Variants in DDX56 observed in about 807,000 individuals in gnomAD.
The protein encoded by DDX56 is probable ATP-dependent RNA helicase DDX56.
A neutral mutation model predicts 61.5 loss-of-function variants in DDX56; 45 were observed. That is an observed-to-expected ratio of 0.73 (90% confidence interval 0.58 to 0.94). The LOEUF (loss-of-function observed/expected upper bound fraction) is 0.94, where lower values mean the gene tolerates loss of function less well. DDX56 is among the 40% of genes least tolerant of loss of function. DDX56 has a pLI of 0.00. For synonymous variants in DDX56, 273 were observed against 268.3 expected, an observed-to-expected ratio of 1.02 and a Z score of -0.17; for missense variants, 708 against 690.7, an observed-to-expected ratio of 1.02 and a Z score of -0.28.
At chr7:44,572,832 C>T in intron 3 of DDX56, 58 bp downstream of exon 3, 1 of 1,598,892 alleles carries the variant, frequency 6.3e-7, no homozygotes, top group Non-Finnish European at 8.5e-7. Context: ...CACACACAAA[C>T]CCAACCCCAC....
chr7:44,566,062 G>C lies in DDX56; in HGVS notation c.1584C>G (p.Asn528Lys). ...CRKAKRAKSQ[N>K]PLRSFKHKGK... Reference sequence around the variant, plus strand: ...CTTTGTGCTTGAAGCTGCGCAGTGGGTTCTGGGACTTTGCTCTCTAAGGAG... The same window carrying C: ...CTTTGTGCTTGAAGCTGCGCAGTGGCTTCTGGGACTTTGCTCTCTAAGGAG... Residue 528 changes from asparagine (N) to lysine (K), a missense_variant, in exon 14 of 14, where the codon AAC becomes AAG. Physicochemically the swap from Asn to Lys is moderately conservative, Grantham distance 94. Transcript: ENST00000258772. 6.2e-7 allele frequency: 1 copy of C among 1,612,154 alleles called. No individual in the cohort carries two copies. Among genetic ancestry groups the C allele is most frequent in the Non-Finnish European group, 8.5e-7 (1 of 1,179,706 alleles).
In DDX56 at chr7:44,571,862, C is replaced by A. The variant is rs138175613; in HGVS notation, c.646-126G>T. The A allele has an allele frequency of 3.1e-4, 380 of 1,243,972 alleles. No homozygotes were observed. The East Asian group carries it at 9.0e-3, about 30-fold the overall frequency. The allele number at this position is 1,243,972 out of a possible 1,614,324, so 77.1% of individuals were successfully genotyped here. On this transcript the variant is annotated intron_variant, in intron 5 of 13. Coordinates refer to ENST00000258772, the MANE Select transcript of DDX56 (RefSeq NM_019082.4). Reference sequence around the variant, plus strand: ...AGATGCATTTAAGGATTCCTGGCACCCTAACTCTCCTCCAGTTTTGTAACC... The same window carrying A: ...AGATGCATTTAAGGATTCCTGGCACACTAACTCTCCTCCAGTTTTGTAACC...
In DDX56 at chr7:44,572,980, G is replaced by A. The variant is rs770487269; in HGVS notation, c.293C>T (p.Ala98Val). The change falls in exon 3 of 14, where the codon GCA becomes GTA. Residue 98 changes from alanine to valine, a missense_variant. Transcript: ENST00000258772. ...LVPTKELARQ[A>V]QSMIQQLATY... is the part of the protein sequence containing the mutation. ...AGCCAGCTGCTGAATCATGGACTGT[G>A]CTTGCCGTGCCAGCTCCTTGGTAGG... 1 of 1,613,296 alleles carries A rather than the reference G, an allele frequency of 6.2e-7. No homozygotes were observed. The highest frequency in any genetic ancestry group is 1.1e-5 in the South Asian group (1 of 90,998).
Position 44,565,908 on chromosome 7 carries a change from C to A in DDX56, c.*94G>T. 1.0e-6 allele frequency: 1 copy of A among 981,902 alleles called. No homozygotes were observed. The highest frequency in any genetic ancestry group is 1.4e-5 in the South Asian group (1 of 73,470). The allele number at this position is 981,902 out of a possible 1,614,324, so 60.8% of individuals were successfully genotyped here. A position where few individuals can be genotyped will look rare whatever the true frequency, so the allele number is the denominator to read the frequency against. On this transcript the variant is annotated 3_prime_UTR_variant, in exon 14 of 14. Transcript: ENST00000258772. The stretch of plus-strand genomic sequence containing the variant: ...ACTGCCGGCCCCAGAACTGTCTGTT[C>A]AGGCTGTGCAGTAAGCACCAGAGCC...
In DDX56 at chr7:44,571,705, G is replaced by C; in HGVS notation, c.677C>G (p.Pro226Arg). Residue 226 changes from proline to arginine, a missense_variant, in exon 6 of 14, where the codon CCT (proline) becomes CGT (arginine). Coordinates refer to ENST00000258772, the MANE Select transcript of DDX56 (RefSeq NM_019082.4). The part of the protein sequence containing the change: ...VTLKLQESQL[P>R]GPDQLQQFQV... ...AAACTGCTGTAACTGGTCTGGCCCA[G>C]GCAGCTGGGACTCCTGTAACTTAAG... 1 of 1,614,084 alleles carries C rather than the reference G, an allele frequency of 6.2e-7. No individual in the cohort carries two copies. The highest frequency in any genetic ancestry group is 8.5e-7 in the Non-Finnish European group (1 of 1,180,042).
At chr7:44,571,421 G>T in intron 6 of DDX56, 71 bp downstream of exon 6, 3 of 1,583,096 alleles carry the variant, frequency 1.9e-6, no homozygotes, top group Non-Finnish European at 2.6e-6. Flanking sequence ...TTAAGAAACA[G>T]AACATTAACT....
chr7:44,569,701 G>T, intron 9 of DDX56, 108 bp downstream of exon 9: 2 of 943,936 alleles, frequency 2.1e-6, no homozygotes, highest in Non-Finnish European at 3.3e-6. Context: ...GATGGTGGAA[G>T]TGGCCTGTCA....
At position 44,572,919 on chromosome 7, in the gene DDX56, G is replaced by C. The variant is rs1329600048; in HGVS notation, c.354C>G (p.Val118=). ...GAGAGACTGAGTCTTCAGCAGCTGAGACATTGGCCACTCGGACATCCCGAG... is the reference window on the plus strand; with the variant it reads ...GAGAGACTGAGTCTTCAGCAGCTGACACATTGGCCACTCGGACATCCCGAG... ...YCARDVRVAN[V]SAAEDSVSQR... The change falls in exon 3 of 14, where the codon GTC becomes GTG. Residue 118 remains valine (V), a synonymous_variant. Coordinates refer to ENST00000258772, the MANE Select transcript of DDX56 (RefSeq NM_019082.4). 1.2e-5 allele frequency: 20 copies of C among 1,603,440 alleles called. No individual in the cohort carries two copies. The Admixed American group carries it at 3.4e-4, about 27-fold the overall frequency.
intron 12 of DDX56, 98 bp from the exon 13 acceptor site, chr7:44,566,622 C>A: frequency 1.1e-6 from 1 of 928,320 alleles, no homozygotes; most frequent in Non-Finnish European, 1.6e-6. Context: ...TCTGACCCAA[C>A]TGGCAGCCTA....
intron 6 of DDX56, 108 bp from the exon 7 acceptor site, chr7:44,570,985 A>C (rs1802655075): frequency 1.5e-6 from 2 of 1,343,004 alleles, no homozygotes; most frequent in Non-Finnish European, 2.0e-6. Context: ...CCTCTTCTTA[A>C]TCTCTTTCCC....
Position 44,569,847 on chromosome 7 carries a change from T to C in DDX56, c.1181A>G (p.Gln394Arg), listed in dbSNP as rs116069234. ...IVLTFVLPTE[Q>R]FHLGKIEELL... is the part of the protein sequence containing the mutation. ...CTCCTCAATCTTGCCTAAGTGGAAC[T>C]GCTCCGTGGGAAGCACAAAGGTTAA... The change falls in exon 9 of 14, where the codon CAG (glutamine) becomes CGG (arginine). Residue 394 changes from glutamine (Q) to arginine (R), a missense_variant. Coordinates refer to ENST00000258772, the MANE Select transcript of DDX56 (RefSeq NM_019082.4). 3,296 of 1,610,566 alleles carry C rather than the reference T, an allele frequency of 2.0e-3. 59 individuals carry two copies. In the African/African-American group the frequency reaches 0.039, roughly 19 times the overall value.
chr7:44,570,048 G>C lies in DDX56; in HGVS notation c.1091C>G (p.Pro364Arg), dbSNP rs1288210619. 1 of 1,614,056 alleles carries C rather than the reference G, an allele frequency of 6.2e-7. No homozygotes were observed. Among genetic ancestry groups the C allele is most frequent in the South Asian group, 1.1e-5 (1 of 91,082 alleles). The change falls in exon 8 of 14, where the codon CCA (proline) becomes CGA (arginine). Residue 364 changes from proline to arginine, a missense_variant. Transcript: ENST00000258772. The part of the protein sequence containing the change: ...VSAVLNFDLP[P>R]TPEAYIHRAG... The stretch of plus-strand genomic sequence containing the variant: ...TCGATGGATGTAGGCCTCAGGGGTT[G>C]GGGGAAGATCAAAGTTGAGCACAGC...
chr7:44,570,969 C>T, intron 6 of DDX56, 92 bp from the exon 7 acceptor site: 1 of 1,433,774 alleles, frequency 7.0e-7, no homozygotes, highest in Non-Finnish European at 9.4e-7. Context: ...TCACCCTTTC[C>T]TTTTTCCTCT....
rs142767723 is a variant in DDX56 at position 44,572,898 on chromosome 7, G to A, written c.375C>T (p.Val125=). 6.3e-7 allele frequency: 1 copy of A among 1,591,184 alleles called. No homozygotes were observed. The highest frequency in any genetic ancestry group is 8.6e-7 in the Non-Finnish European group (1 of 1,167,024). Residue 125 remains valine, a synonymous_variant, in exon 3 of 14, where the codon GTC becomes GTT. Coordinates refer to ENST00000258772, the MANE Select transcript of DDX56 (RefSeq NM_019082.4). ...VANVSAAEDS[V]SQRAVLMEKP... is the part of the protein sequence containing the mutation. ...TTGCTGCTTTTACCCACCTCTGAGA[G>A]ACTGAGTCTTCAGCAGCTGAGACAT...
At chr7:44,568,000 T>C in intron 12 of DDX56, 118 bp downstream of exon 12, 1 of 809,728 alleles carries the variant, frequency 1.2e-6, no homozygotes, top group Non-Finnish European at 2.1e-6. Context: ...TGCCAGGGTC[T>C]CCAGGTTCTA....
intron 12 of DDX56, among the ~76,000 whole-genome samples, chr7:44,567,229 T>C (rs1452623928): frequency 2.0e-5 from 3 of 152,040 alleles, no homozygotes; most frequent in African/African-American, 4.8e-5. Context: ...TTCTGGATCC[T>C]TCCTTTCCCA....
Position 44,573,117 on chromosome 7 carries a change from CT to C in DDX56, c.223-68del, listed in dbSNP as rs1490930381. ...TCACTGTGTCCACGTGTCTCTACCC[CT>C]TCCAGCCTACCTGACCCATCTGCTG... On this transcript the variant is annotated intron_variant, in intron 2 of 13. Coordinates refer to ENST00000258772, the MANE Select transcript of DDX56 (RefSeq NM_019082.4). 13 of 1,446,140 alleles carry C rather than the reference CT, an allele frequency of 9.0e-6. No homozygotes were observed. The African/African-American group carries it at 1.8e-4, about 21-fold the overall frequency. The allele number at this position is 1,446,140 out of a possible 1,614,324, so 89.6% of individuals were successfully genotyped here.
rs778937228 is a variant in DDX56 at position 44,572,952 on chromosome 7, G to A, written c.321C>T (p.Thr107=). Residue 107 remains threonine (T), a synonymous_variant, in exon 3 of 14, where the codon ACC becomes ACT. Transcript: ENST00000258772. Reference sequence around the variant, plus strand: ...CCACTCGGACATCCCGAGCACAGTAGGTAGCCAGCTGCTGAATCATGGACT... The same window carrying A: ...CCACTCGGACATCCCGAGCACAGTAAGTAGCCAGCTGCTGAATCATGGACT... ...QAQSMIQQLA[T]YCARDVRVAN... is the part of the protein sequence containing the mutation. The A allele has an allele frequency of 1.9e-6, 3 of 1,613,154 alleles. No homozygotes were observed. The highest frequency in any genetic ancestry group is 2.5e-6 in the Non-Finnish European group (3 of 1,179,476).
chr7:44,572,169 A>C (rs1802692095), intron 5 of DDX56, among the ~76,000 whole-genome samples, 178 bp downstream of exon 5: 1 of 152,284 alleles, frequency 6.6e-6, no homozygotes, highest in Admixed American at 6.5e-5. Context: ...TCCCTTGTGG[A>C]CACTTGGAAA....
Sources: gnomAD v4.1 joint callset for allele counts (sites outside exome capture counted in the v4.1 genomes callset) on GRCh38, gnomAD v4.1.1 for gene constraint, MANE v1.5 for transcripts, NCBI Gene and HGNC (gene_info 2026-07-23, HGNC 2026-07-21) for gene names.